Variants in COL5A1 observed in about 807,000 individuals in gnomAD.
COL5A1 encodes the protein collagen type V alpha 1 chain.
COL5A1 carries 16 observed loss-of-function variants against 263.7 expected under a neutral mutation model. The ratio of observed to expected loss-of-function variants is 0.06; its 90% CI spans 0.04 to 0.09. The LOEUF (loss-of-function observed/expected upper bound fraction) is 0.09, where lower values mean the gene tolerates loss of function less well. Ranked by LOEUF, COL5A1 falls within the 10% of genes least tolerant of loss-of-function variation. The pLI is 1.00. For missense variants in COL5A1, 2,036 were observed against 2,540.5 expected (o/e 0.80, Z 4.27); for synonymous variants, 1,012 against 1,004.5 (o/e 1.01, Z -0.14).
intron 42 of COL5A1, chr9:134,808,891 T>C: frequency 2.0e-6 from 1 of 491,732 alleles, no homozygotes; most frequent in South Asian, 2.1e-5. Flanking sequence ...TGGATTTGGA[T>C]CCTGTCTCTA....
At chr9:134,650,861 G>T (rs1831655292) in intron 1 of COL5A1, among the ~76,000 whole-genome samples, 2 of 152,270 alleles carry the variant, frequency 1.3e-5, no homozygotes, top group South Asian at 4.1e-4. Context: ...TGCCAGGTGG[G>T]ATCGGCCCAT....
intron 60 of COL5A1, 111 bp from the exon 61 acceptor site, chr9:134,823,305 T>TTG: frequency 2.4e-6 from 3 of 1,241,070 alleles, no homozygotes; most frequent in Non-Finnish European, 3.6e-6. Context: ...CTGTGGCTGA[T>TTG]AGGGCCACCT....
chr9:134,709,058 C>A, intron 4 of COL5A1: 1 of 414,288 alleles, frequency 2.4e-6, no homozygotes, highest in Non-Finnish European at 4.9e-6. Flanking sequence ...ATTTCCAGAT[C>A]CTTCATTCCA....
At position 134,842,117 on chromosome 9, in the gene COL5A1, C is replaced by A; in HGVS notation, c.5371-40C>A. 1 of 1,613,298 alleles carries A rather than the reference C, an allele frequency of 6.2e-7. No homozygotes were observed. The highest frequency in any genetic ancestry group is 8.5e-7 in the Non-Finnish European group (1 of 1,179,348). Reference sequence around the variant, plus strand: ...GATTGGTAAACCCCAAGACCCCCAACTGTTCTTAACCACCGGCCATCTGTC... The same window carrying A: ...GATTGGTAAACCCCAAGACCCCCAAATGTTCTTAACCACCGGCCATCTGTC... On this transcript the variant is annotated intron_variant, in intron 65 of 65. Coordinates refer to ENST00000371817, the MANE Select transcript of COL5A1 (RefSeq NM_000093.5). This position sits in a 1 kb window ranked among gnomAD's most constrained non-coding sequence, Gnocchi z 5.8.
chr9:134,783,707 AC>A (rs1446544532), intron 29 of COL5A1, among the ~76,000 whole-genome samples: 3 of 152,124 alleles, frequency 2.0e-5, no homozygotes, highest in Non-Finnish European at 4.4e-5. Context: ...CTTCGTCCCA[AC>A]CTGGCAGGCA....
intron 4 of COL5A1, among the ~76,000 whole-genome samples, chr9:134,711,317 G>A (rs1306314734): frequency 6.6e-6 from 1 of 152,102 alleles, no homozygotes; most frequent in African/African-American, 2.4e-5. Flanking sequence ...GGGCCTGGGT[G>A]CTGTCGTATA....
At chr9:134,685,639 T>C (rs1833042103) in intron 1 of COL5A1, among the ~76,000 whole-genome samples, 2 of 113,520 alleles carry the variant, frequency 1.8e-5, no homozygotes, top group African/African-American at 3.1e-5. Flanking sequence ...CCATCCACCA[T>C]CCATCCATGC....
chr9:134,739,961 T>C (rs1197990543), intron 11 of COL5A1, among the ~76,000 whole-genome samples: 1 of 152,140 alleles, frequency 6.6e-6, no homozygotes, highest in African/African-American at 2.4e-5. Context: ...TCGTTCTGTG[T>C]GGCTGGGTGA....
chr9:134,699,909 C>A lies in COL5A1; in HGVS notation c.278C>A (p.Ala93Glu), dbSNP rs41306397. 6.2e-7 allele frequency: 1 copy of A among 1,613,764 alleles called. No individual in the cohort carries two copies. Among genetic ancestry groups the A allele is most frequent in the South Asian group, 1.1e-5 (1 of 91,050 alleles). ...TTCTCACCTCTGTGCTCTGTTCCAG[C>A]GTCTGCATTTCCCGAGGACTTCTCC... ...LSAPTKQLYP[A>E]SAFPEDFSIL... The change falls in exon 3 of 66, where the codon GCG (alanine) becomes GAG (glutamate). Residue 93 changes from alanine to glutamate, a missense_variant and splice_region_variant. Physicochemically the swap from Ala to Glu is moderately radical, Grantham distance 107. Coordinates refer to ENST00000371817, the MANE Select transcript of COL5A1 (RefSeq NM_000093.5).
At chr9:134,731,762 G>A (rs1013401238) in intron 8 of COL5A1, 99 bp downstream of exon 8, 10 of 1,329,484 alleles carry the variant, frequency 7.5e-6, no homozygotes, top group Middle Eastern at 2.3e-4. Context: ...GGGCCTCTAC[G>A]GGCAGCTCAA....
chr9:134,660,000 A>G (rs1832154437), intron 1 of COL5A1, among the ~76,000 whole-genome samples: 1 of 152,242 alleles, frequency 6.6e-6, no homozygotes, highest in Non-Finnish European at 1.5e-5. Context: ...TATAGCAGAT[A>G]AGGCGCAGGC....
At chr9:134,693,171 A>AG (rs1329285519) in intron 2 of COL5A1, among the ~76,000 whole-genome samples, 3 of 152,164 alleles carry the variant, frequency 2.0e-5, no homozygotes, top group African/African-American at 7.2e-5. Flanking sequence ...ATCCCTGAGC[A>AG]GGGCTCTTAT....
At position 134,677,182 on chromosome 9, in the gene COL5A1, C is replaced by G. The variant is rs1832707309; in HGVS notation, c.110-13730C>G. Among the ~76,000 whole-genome samples the G allele has an allele frequency of 6.6e-6, 1 of 152,166 alleles. No individual in the cohort carries two copies. Among genetic ancestry groups the G allele is most frequent in the Non-Finnish European group, 1.5e-5 (1 of 68,020 alleles). On this transcript the variant is annotated intron_variant, in intron 1 of 65. Coordinates refer to ENST00000371817, the MANE Select transcript of COL5A1 (RefSeq NM_000093.5). This position sits in a 1 kb window ranked among gnomAD's most constrained non-coding sequence, Gnocchi z 4.4. ...GCTTCATGAAGGAACAGTGTCTCTG[C>G]TGGATGCTACCTTGAATATTCAGAA... is the stretch of plus-strand genomic sequence containing the variant.
chr9:134,823,801 A>G (rs893798480), intron 61 of COL5A1, among the ~76,000 whole-genome samples: 23 of 152,144 alleles, frequency 1.5e-4, no homozygotes, highest in Non-Finnish European at 2.8e-4. Context: ...CTGTATGTGT[A>G]CGTGCATCCT....
rs1251319706 is a variant in COL5A1, at chr9:134,767,082, A to G, written c.2187+29A>G. 8 of 1,610,690 alleles carry G rather than the reference A, an allele frequency of 5.0e-6. No homozygotes were observed. In the East Asian group the frequency reaches 1.8e-4, roughly 36 times the overall value. On this transcript the variant is annotated intron_variant, in intron 23 of 65. Coordinates refer to ENST00000371817, the MANE Select transcript of COL5A1 (RefSeq NM_000093.5). ...AGTGAGCCTGAGAGAGGCAGCTCGC[A>G]GGGATCCGGCCGTGGGAGGCACACG...
At chr9:134,744,927 G>A (rs540856030) in intron 11 of COL5A1, among the ~76,000 whole-genome samples, 30 of 152,284 alleles carry the variant, frequency 2.0e-4, no homozygotes, top group Admixed American at 4.6e-4. Flanking sequence ...AGGCGTGCAC[G>A]TGCACACACA....
At chr9:134,707,823 C>CA (rs1161859847) in intron 4 of COL5A1, among the ~76,000 whole-genome samples, 1 of 152,226 alleles carries the variant, frequency 6.6e-6, no homozygotes, top group East Asian at 1.9e-4. Flanking sequence ...GCCCGCAGCC[C>CA]ATCACTGGGC....
At position 134,844,521 on chromosome 9, in the gene COL5A1, A is replaced by G. The variant is rs562096007; in HGVS notation, c.*2218A>G. ...ACCACTCTAGCCACAGTATATTGCA[A>G]TAAAATTACTTCTTATATTTGCAGA... On this transcript the variant is annotated 3_prime_UTR_variant, in exon 66 of 66. Transcript: ENST00000371817. 2 of 152,528 alleles carry G rather than the reference A, an allele frequency of 1.3e-5. No homozygotes were observed. Among genetic ancestry groups the G allele is most frequent in the South Asian group, 4.1e-4 (2 of 4,824 alleles). 9.4% of individuals were successfully genotyped at this position (152,528 alleles called of 1,614,324 possible). A position where few individuals can be genotyped will look rare whatever the true frequency, so the allele number is the denominator to read the frequency against.
chr9:134,812,853 T>A lies in COL5A1; in HGVS notation c.3852+141T>A, dbSNP rs2132849040. 8.4e-6 allele frequency: 6 copies of A among 716,856 alleles called. No homozygotes were observed. In the South Asian group the frequency reaches 9.1e-5, roughly 11 times the overall value. The allele number at this position is 716,856 out of a possible 1,614,324, so 44.4% of individuals were successfully genotyped here. ...GTGCATACACGTGTGTGTACCTCTC[T>A]GTGTGTACACAGAGATGAGAAGTAC... is the stretch of plus-strand genomic sequence containing the variant. On this transcript the variant is annotated intron_variant, in intron 48 of 65. Transcript: ENST00000371817.
Sources: allele counts gnomAD v4.1 joint callset (sites outside exome capture counted in the v4.1 genomes callset), GRCh38; gene constraint gnomAD v4.1.1; non-coding constraint Gnocchi (gnomAD v3.1); transcripts MANE v1.5; gene names NCBI Gene and HGNC (gene_info 2026-07-23, HGNC 2026-07-21).